The following DLGAP1 variants were observed in gnomAD, a reference collection of about 807,000 sequenced individuals.
The protein encoded by DLGAP1 is disks large-associated protein 1.
In DLGAP1, 11 loss-of-function variants were observed where a neutral mutation model predicts 90.8. The ratio of observed to expected loss-of-function variants is 0.12; its 90% CI spans 0.08 to 0.20. The LOEUF (loss-of-function observed/expected upper bound fraction) is 0.20, where lower values mean the gene tolerates loss of function less well. Among genes scored for constraint, DLGAP1 ranks in the 10% least tolerant of loss-of-function variants. The pLI is 1.00. For missense variants in DLGAP1, 1,050 were observed against 1,333.8 expected, an observed-to-expected ratio of 0.79 and a Z score of 3.31; for synonymous variants, 558 against 540.7, an observed-to-expected ratio of 1.03 and a Z score of -0.44.
At chr18:4,036,644 C>G (rs930925594) in intron 2 of DLGAP1, among the ~76,000 whole-genome samples, 2 of 152,126 alleles carry the variant, frequency 1.3e-5, no homozygotes. Flanking sequence ...GTCATATTGA[C>G]ATGAAGAATG....
chr18:3,941,453 T>C (rs900190015), intron 3 of DLGAP1, among the ~76,000 whole-genome samples: 1 of 152,122 alleles, frequency 6.6e-6, no homozygotes, highest in Non-Finnish European at 1.5e-5. Flanking sequence ...TTGGGCAAAG[T>C]TAGAAGGAGT....
At position 3,729,477 on chromosome 18, in the gene DLGAP1, C is replaced by A. The variant is rs62083232; in HGVS notation, c.1351-102G>T. On this transcript the variant is annotated intron_variant, in intron 6 of 12. Coordinates refer to ENST00000315677, the MANE Select transcript of DLGAP1 (RefSeq NM_004746.4). This position sits in a 1 kb window ranked among gnomAD's most constrained non-coding sequence, Gnocchi z 6.2. The stretch of plus-strand genomic sequence containing the variant: ...CAATCCCCAGAAGAAAAAGCAGCGT[C>A]TGGTTAGATTAAGCTCAAATGCATT... 1.0e-4 allele frequency: 147 copies of A among 1,477,208 alleles called. No individual in the cohort carries two copies. The highest frequency in any genetic ancestry group is 1.3e-4 in the Non-Finnish European group (141 of 1,098,574). The allele number at this position is 1,477,208 out of a possible 1,614,324, so 91.5% of individuals were successfully genotyped here. A position where few individuals can be genotyped will look rare whatever the true frequency, so the allele number is the denominator to read the frequency against.
intron 1 of DLGAP1, among the ~76,000 whole-genome samples, chr18:4,223,900 A>C (rs947231657): frequency 6.6e-6 from 1 of 152,326 alleles, no homozygotes. Context: ...AATCATTATA[A>C]CTTAATTCTT....
chr18:4,448,447 C>CTATCATCAAGATCCCTTAGGATTCA (rs2083722324), intron 1 of DLGAP1, among the ~76,000 whole-genome samples: 1 of 152,130 alleles, frequency 6.6e-6, no homozygotes. Context: ...TACCTGACAT[C>CTATCATCAAGATCCCTTAGGATTCA]TATCATCAAG....
chr18:3,846,811 G>C (rs2069044051), intron 4 of DLGAP1, among the ~76,000 whole-genome samples: 1 of 152,174 alleles, frequency 6.6e-6, no homozygotes, highest in African/African-American at 2.4e-5. Flanking sequence ...GGACCAGGAA[G>C]TGATTGCTAA....
chr18:3,519,176 AC>A (rs1377627699), intron 10 of DLGAP1, among the ~76,000 whole-genome samples: 1 of 152,074 alleles, frequency 6.6e-6, no homozygotes, highest in African/African-American at 2.4e-5. Flanking sequence ...CGGAAAACAG[AC>A]TCACTGCAAA....
intron 2 of DLGAP1, among the ~76,000 whole-genome samples, chr18:4,115,702 G>C (rs1327425306): frequency 1.3e-5 from 2 of 152,088 alleles, no homozygotes; most frequent in Non-Finnish European, 2.9e-5. Flanking sequence ...TAGCCAGGAT[G>C]GTCTCAATTT....
chr18:3,508,785 A>C, intron 10 of DLGAP1, 124 bp from the exon 11 acceptor site: 1 of 671,340 alleles, frequency 1.5e-6, no homozygotes, highest in Non-Finnish European at 2.5e-6. Context: ...CACACTGAAC[A>C]CTCATGCCCA....
intron 8 of DLGAP1, among the ~76,000 whole-genome samples, chr18:3,568,659 A>G (rs2054572251): frequency 6.6e-6 from 1 of 152,038 alleles, no homozygotes; most frequent in Non-Finnish European, 1.5e-5. Context: ...CTTTATATAT[A>G]TGTCTAAATA....
intron 5 of DLGAP1, among the ~76,000 whole-genome samples, chr18:3,760,738 C>A (rs2063927728): frequency 6.6e-6 from 1 of 152,208 alleles, no homozygotes; most frequent in Non-Finnish European, 1.5e-5. Flanking sequence ...CAAAATAACT[C>A]CTGCAATTAC....
intron 7 of DLGAP1, among the ~76,000 whole-genome samples, chr18:3,648,464 G>A (rs142335910): frequency 5.8e-4 from 88 of 152,256 alleles, no homozygotes; most frequent in African/African-American, 2.0e-3. Flanking sequence ...TGTGATTTCC[G>A]GGTTCATAAC....
intron 2 of DLGAP1, among the ~76,000 whole-genome samples, chr18:4,056,116 A>T (rs2075212353): frequency 6.6e-6 from 1 of 152,160 alleles, no homozygotes; most frequent in Non-Finnish European, 1.5e-5. Flanking sequence ...ACTGATGATG[A>T]GGTGAGAGAG....
chr18:4,354,231 AG>A (rs1475710340), intron 1 of DLGAP1, among the ~76,000 whole-genome samples: 1 of 152,194 alleles, frequency 6.6e-6, no homozygotes, highest in African/African-American at 2.4e-5. Flanking sequence ...CCCCAAGGTG[AG>A]TCACAGAAAC....
intron 4 of DLGAP1, among the ~76,000 whole-genome samples, chr18:3,846,877 G>A (rs560604904): frequency 1.2e-3 from 184 of 152,238 alleles, no homozygotes; most frequent in African/African-American, 4.3e-3. Context: ...AGATCTTGGT[G>A]ATGGTTGCAC....
At chr18:3,828,588 T>A (rs796228086) in intron 4 of DLGAP1, among the ~76,000 whole-genome samples, 22 of 141,458 alleles carry the variant, frequency 1.6e-4, no homozygotes, top group African/African-American at 5.8e-4. Flanking sequence ...TCCAGTGAGT[T>A]GTGATCAGGC....
At chr18:3,960,357 G>T (rs750805209) in intron 3 of DLGAP1, among the ~76,000 whole-genome samples, 2 of 152,032 alleles carry the variant, frequency 1.3e-5, no homozygotes, top group Non-Finnish European at 2.9e-5. Flanking sequence ...GGAAGCCAGC[G>T]GTTCCCACAC....
chr18:4,402,672 C>G (rs2082580075), intron 1 of DLGAP1, among the ~76,000 whole-genome samples: 1 of 151,876 alleles, frequency 6.6e-6, no homozygotes, highest in Non-Finnish European at 1.5e-5. Context: ...TATTAAAAAG[C>G]ACTGAATTGG....
chr18:3,827,455 C>T (rs2067783308), intron 4 of DLGAP1, among the ~76,000 whole-genome samples: 1 of 152,216 alleles, frequency 6.6e-6, no homozygotes, highest in African/African-American at 2.4e-5. Context: ...ATCTTAATCC[C>T]ATGGGACACT....
At chr18:3,598,638 T>G (rs2056730163) in intron 7 of DLGAP1, among the ~76,000 whole-genome samples, 1 of 151,926 alleles carries the variant, frequency 6.6e-6, no homozygotes, top group Non-Finnish European at 1.5e-5. Flanking sequence ...CAGCTAATTT[T>G]TGTATTTTTA....
Sources: allele counts gnomAD v4.1 joint callset (sites outside exome capture counted in the v4.1 genomes callset), GRCh38; gene constraint gnomAD v4.1.1; non-coding constraint Gnocchi (gnomAD v3.1); transcripts MANE v1.5; gene names NCBI Gene and HGNC (gene_info 2026-07-23, HGNC 2026-07-21).